NUDT19: variants seen among roughly 807,000 people sequenced by gnomAD.
The protein encoded by NUDT19 is nudix hydrolase 19.
A neutral mutation model predicts 22.2 loss-of-function variants in NUDT19; 31 were observed. The ratio of observed to expected loss-of-function variants is 1.40; its 90% CI spans 1.05 to 1.89. NUDT19 has a LOEUF of 1.89. NUDT19 is among the 40% of genes most tolerant of loss of function. The pLI is 0.00. For synonymous variants in NUDT19, 325 were observed against 230.8 expected (o/e 1.41, Z -3.70); for missense variants, 752 against 514.2 (o/e 1.46, Z -4.47).
chr19:32,692,609 T>C lies in NUDT19; in HGVS notation c.649T>C (p.Phe217Leu), dbSNP rs1284562488. ...GTTRRFDTAF[F>L]LCCLREPPPV... The stretch of plus-strand genomic sequence containing the variant: ...CACTCGCCGCTTTGACACGGCCTTC[T>C]TCCTGTGCTGCCTGCGCGAGCCGCC... The change falls in exon 1 of 3, where the codon TTC becomes CTC. Residue 217 changes from phenylalanine (F) to leucine (L), a missense_variant. By Grantham distance (22) the Phe-to-Leu change is conservative. Coordinates refer to ENST00000397061, the MANE Select transcript of NUDT19 (RefSeq NM_001105570.2). The C allele has an allele frequency of 2.1e-5, 33 of 1,560,088 alleles. No homozygotes were observed. The East Asian group carries it at 2.6e-4, about 12-fold the overall frequency.
rs1473813907 is a variant in NUDT19 at position 32,692,434 on chromosome 19, G to A, written c.474G>A (p.Leu158=). 1.3e-6 allele frequency: 2 copies of A among 1,551,394 alleles called. No individual in the cohort carries two copies. The highest frequency in any genetic ancestry group is 8.7e-7 in the Non-Finnish European group (1 of 1,155,054). ...PGPAPGPGLA[L]EPPPGLASWR... is the part of the protein sequence containing the mutation. ...CAGCACCCGGGCCTGGCCTCGCCCT[G>A]GAGCCACCGCCGGGCCTGGCCTCCT... Residue 158 remains leucine (L), a synonymous_variant, in exon 1 of 3, where the codon CTG becomes CTA. Transcript: ENST00000397061.
At chr19:32,693,991 T>A (rs899688087) in intron 1 of NUDT19, among the ~76,000 whole-genome samples, 6 of 152,130 alleles carry the variant, frequency 3.9e-5, no homozygotes, top group African/African-American at 1.4e-4. Context: ...TCTAGGCCAG[T>A]GAAAGGGCCA....
At chr19:32,698,325 T>G (rs1013443465) in intron 1 of NUDT19, among the ~76,000 whole-genome samples, 1 of 152,132 alleles carries the variant, frequency 6.6e-6, no homozygotes, top group African/African-American at 2.4e-5. Flanking sequence ...TTTCAGGGTT[T>G]GTGGGTCAAA....
At chr19:32,710,723 G>A (rs540774994) in intron 2 of NUDT19, among the ~76,000 whole-genome samples, 38 of 151,614 alleles carry the variant, frequency 2.5e-4, no homozygotes, top group African/African-American at 7.0e-4. Context: ...GAGAAATCCC[G>A]TCTCTACTAA....
intron 1 of NUDT19, among the ~76,000 whole-genome samples, chr19:32,702,605 C>T (rs1968347423): frequency 6.6e-6 from 1 of 151,956 alleles, no homozygotes; most frequent in South Asian, 2.1e-4. Context: ...GAGACTCCAT[C>T]TCCAAAAAGA....
At chr19:32,704,595 T>G (rs1048593810) in intron 1 of NUDT19, among the ~76,000 whole-genome samples, 2 of 152,218 alleles carry the variant, frequency 1.3e-5, no homozygotes, top group Non-Finnish European at 2.9e-5. Flanking sequence ...TTTCATCATG[T>G]TGATCTTTTC....
At chr19:32,702,232 G>A (rs1396416498) in intron 1 of NUDT19, among the ~76,000 whole-genome samples, 2 of 152,146 alleles carry the variant, frequency 1.3e-5, no homozygotes, top group African/African-American at 4.8e-5. Context: ...CCATTAGAGG[G>A]TAATTGACCT....
chr19:32,698,266 A>G (rs1968288689), intron 1 of NUDT19, among the ~76,000 whole-genome samples: 1 of 152,110 alleles, frequency 6.6e-6, no homozygotes, highest in African/African-American at 2.4e-5. Context: ...CCCATCAGAG[A>G]GAGAAATTGG....
At chr19:32,706,318 T>C (rs972432292) in intron 1 of NUDT19, among the ~76,000 whole-genome samples, 1 of 152,136 alleles carries the variant, frequency 6.6e-6, no homozygotes, top group African/African-American at 2.4e-5. Context: ...TATTAAGATA[T>C]TTGGAGAGAG....
chr19:32,709,317 C>T lies in NUDT19; in HGVS notation c.847C>T (p.Arg283Cys), dbSNP rs200929233. The T allele has an allele frequency of 2.9e-5, 46 of 1,613,966 alleles. No individual in the cohort carries two copies. The highest frequency in any genetic ancestry group is 4.0e-5 in the African/African-American group (3 of 74,920). ...LSDLHKFCLGRALEGLERWLP... is the reference protein window; with the variant it reads ...LSDLHKFCLGCALEGLERWLP... ...TGACTTGCACAAATTTTGTTTGGGT[C>T]GTGCATTAGAAGGACTGGAAAGGTG... The change falls in exon 2 of 3, where the codon CGT (arginine) becomes TGT (cysteine). Residue 283 changes from arginine to cysteine, a missense_variant. Arg to Cys is a radical substitution (Grantham distance 180). Coordinates refer to ENST00000397061, the MANE Select transcript of NUDT19 (RefSeq NM_001105570.2).
At chr19:32,707,151 G>A (rs1215283670) in intron 1 of NUDT19, among the ~76,000 whole-genome samples, 1 of 152,200 alleles carries the variant, frequency 6.6e-6, no homozygotes, top group Non-Finnish European at 1.5e-5. Flanking sequence ...TGTAACCTGT[G>A]GTCTGGACTC....
intron 1 of NUDT19, among the ~76,000 whole-genome samples, chr19:32,701,828 C>G (rs1397917674): frequency 6.6e-6 from 1 of 152,066 alleles, no homozygotes; most frequent in Non-Finnish European, 1.5e-5. Context: ...TTTTTCTATC[C>G]TTTTAAACTA....
rs140779621 is a variant in NUDT19 at position 32,695,771 on chromosome 19, G to C, written c.714+3097G>C. ...TAATGGGGGTTCCCCCAGAGGTTAG[G>C]AACGCTCTTTCTTTACATATTGCAG... On this transcript the variant is annotated intron_variant, in intron 1 of 2. Transcript: ENST00000397061. Among the ~76,000 whole-genome samples, 9 of 152,358 alleles carry C rather than the reference G, an allele frequency of 5.9e-5. No homozygotes were observed. In the East Asian group the frequency reaches 9.7e-4, roughly 16 times the overall value.
chr19:32,700,530 G>T (rs1030616790), intron 1 of NUDT19, among the ~76,000 whole-genome samples: 1 of 152,180 alleles, frequency 6.6e-6, no homozygotes. Flanking sequence ...TCACTGGGCT[G>T]AAGTGATTCT....
intron 1 of NUDT19, among the ~76,000 whole-genome samples, chr19:32,697,626 T>C (rs568874961): frequency 6.6e-6 from 1 of 152,316 alleles, no homozygotes; most frequent in South Asian, 2.1e-4. Context: ...TGCTGACTAG[T>C]AAGGAATTTG....
intron 1 of NUDT19, among the ~76,000 whole-genome samples, chr19:32,700,276 C>T (rs960740075): frequency 6.6e-6 from 1 of 152,170 alleles, no homozygotes; most frequent in African/African-American, 2.4e-5. Flanking sequence ...TTACACAGTG[C>T]TGATTGGTCC....
intron 1 of NUDT19, among the ~76,000 whole-genome samples, chr19:32,708,571 C>A (rs7256355): frequency 0.26 from 39,908 of 152,058 alleles, 5,428 homozygotes; most frequent in Middle Eastern, 0.32. Flanking sequence ...CAAATACTGC[C>A]TGGCTGAAAC....
intron 1 of NUDT19, among the ~76,000 whole-genome samples, chr19:32,708,318 T>C (rs187798219): frequency 4.0e-5 from 6 of 149,702 alleles, no homozygotes; most frequent in African/African-American, 7.4e-5. Flanking sequence ...TCCCAGTTAC[T>C]TGGGAGGCTG....
chr19:32,700,884 T>C (rs1968327802), intron 1 of NUDT19, among the ~76,000 whole-genome samples: 1 of 151,998 alleles, frequency 6.6e-6, no homozygotes, highest in Non-Finnish European at 1.5e-5. Context: ...AGAAAAAATT[T>C]TAAAACTTAG....
Sources: gnomAD v4.1 joint callset for allele counts (sites outside exome capture counted in the v4.1 genomes callset) on GRCh38, gnomAD v4.1.1 for gene constraint, MANE v1.5 for transcripts, NCBI Gene and HGNC (gene_info 2026-07-23, HGNC 2026-07-21) for gene names.